Variants in STX1A observed in about 807,000 individuals in gnomAD.
The protein encoded by STX1A is syntaxin 1A.
In STX1A, 4 loss-of-function variants were observed where a neutral mutation model predicts 37.8. The ratio of observed to expected loss-of-function variants is 0.11; its 90% confidence interval spans 0.05 to 0.24. The LOEUF (loss-of-function observed/expected upper bound fraction) is 0.24, where lower values mean the gene tolerates loss of function less well. STX1A is among the 10% of genes least tolerant of loss of function. STX1A has a pLI of 1.00. For synonymous variants in STX1A, 135 were observed against 147.4 expected, an observed-to-expected ratio of 0.92 and a Z score of 0.61; for missense variants, 251 against 399.9, an observed-to-expected ratio of 0.63 and a Z score of 3.18.
Position 73,705,311 on chromosome 7 carries a change from T to C in STX1A, c.209-87A>G. On this transcript the variant is annotated intron_variant, in intron 3 of 9. Transcript: ENST00000222812. This position sits in a 1 kb window ranked among gnomAD's most constrained non-coding sequence, Gnocchi z 5.2. The stretch of plus-strand genomic sequence containing the variant: ...TCAGCCTCCAGCCCAGGGGGCCCAG[T>C]GGGAGGCTCTGGGAAGATCCCTGTT... The C allele has an allele frequency of 9.4e-7, 1 of 1,060,882 alleles. No homozygotes were observed. The highest frequency in any genetic ancestry group is 1.7e-5 in the Admixed American group (1 of 58,132). The allele number at this position is 1,060,882 out of a possible 1,614,324, so 65.7% of individuals were successfully genotyped here.
intron 8 of STX1A, chr7:73,701,233 C>G (rs1212850411): frequency 4.3e-6 from 2 of 461,194 alleles, no homozygotes; most frequent in African/African-American, 1.9e-5. Flanking sequence ...TGAGCCTGCC[C>G]ACACCCCCAT....
rs1479542769 is a variant in STX1A, at chr7:73,702,035, A to G, written c.678+810T>C. On this transcript the variant is annotated intron_variant, in intron 8 of 9. Transcript: ENST00000222812. This position sits in a 1 kb window ranked among gnomAD's most constrained non-coding sequence, Gnocchi z 4.7. ...TCCACCTCGTCTCCAGCTTCATCTC[A>G]GCTCCGACCACTCCTTGTGCCCCAG... Among the ~76,000 whole-genome samples the G allele has an allele frequency of 7.2e-5, 11 of 152,082 alleles. No individual in the cohort carries two copies. The highest frequency in any genetic ancestry group is 7.2e-4 in the Admixed American group (11 of 15,272).
rs1371556187 is a variant in STX1A, at chr7:73,717,599, C to T, written c.30+2003G>A. ...GGTGGGCTCCTGCCTGCCAGCCGTC[C>T]ACCTGTCTGCTAGAAAGCCCTCCCT... On this transcript the variant is annotated intron_variant, in intron 1 of 9. Transcript: ENST00000222812. This position sits in a 1 kb window ranked among gnomAD's most constrained non-coding sequence, Gnocchi z 4.1. Among the ~76,000 whole-genome samples, 1 of 152,092 alleles carries T rather than the reference C, an allele frequency of 6.6e-6. No individual in the cohort carries two copies. The highest frequency in any genetic ancestry group is 6.5e-5 in the Admixed American group (1 of 15,274).
intron 7 of STX1A, chr7:73,703,352 T>C (rs1266564574): frequency 1.8e-6 from 1 of 565,490 alleles, no homozygotes; most frequent in African/African-American, 1.9e-5. Context: ...ATGTGACTGC[T>C]CCTCCCCTCT....
chr7:73,713,336 C>T (rs1318521171), intron 1 of STX1A, among the ~76,000 whole-genome samples: 2 of 152,174 alleles, frequency 1.3e-5, no homozygotes, highest in African/African-American at 4.8e-5. Context: ...TCCTCTGTTT[C>T]CCAGCCCAGA....
Position 73,706,270 on chromosome 7 carries a change from C to T in STX1A, c.209-1046G>A, listed in dbSNP as rs962005631. On this transcript the variant is annotated intron_variant, in intron 3 of 9. Coordinates refer to ENST00000222812, the MANE Select transcript of STX1A (RefSeq NM_004603.4). The surrounding 1 kb of genome is among the most constrained non-coding windows in gnomAD (Gnocchi z 4.6). ...AGGTGGAGCGGGGAAGGGGGGGTTC[C>T]GAGGCGCGGAGGAGGGCGCCTCATC... is the stretch of plus-strand genomic sequence containing the variant. 1.1e-4 allele frequency among the ~76,000 whole-genome samples: 16 copies of T among 152,178 alleles called. No homozygotes were observed. The highest frequency in any genetic ancestry group is 2.2e-4 in the African/African-American group (9 of 41,514).
chr7:73,708,249 C>T, intron 3 of STX1A, among the ~76,000 whole-genome samples: 1 of 113,686 alleles, frequency 8.8e-6, no homozygotes, highest in African/African-American at 3.5e-5. Flanking sequence ...GGCGACAGAG[C>T]AAGACTCCAT....
chr7:73,704,547 G>T, intron 4 of STX1A, 124 bp from the exon 5 acceptor site: 1 of 1,247,570 alleles, frequency 8.0e-7, no homozygotes, highest in Non-Finnish European at 1.1e-6. Flanking sequence ...GTGGCTGGTG[G>T]GATCAGTGCC....
At chr7:73,703,344 G>A in intron 7 of STX1A, 1 of 564,116 alleles carries the variant, frequency 1.8e-6, no homozygotes, top group Middle Eastern at 4.4e-4. Context: ...CACATTGAAT[G>A]TGACTGCTCC....
intron 1 of STX1A, among the ~76,000 whole-genome samples, chr7:73,710,630 G>A (rs1799065936): frequency 6.6e-6 from 1 of 152,080 alleles, no homozygotes; most frequent in Non-Finnish European, 1.5e-5. Flanking sequence ...TCACTATGTT[G>A]GCCAGGCCGG....
rs1554617455 is a variant in STX1A at position 73,708,672 on chromosome 7, C to G, written c.125G>C (p.Gly42Ala). The change falls in exon 3 of 10, where the codon GGC becomes GCC. Residue 42 changes from glycine to alanine, a missense_variant. Gly to Ala is a moderately conservative substitution (Grantham distance 60). Coordinates refer to ENST00000222812, the MANE Select transcript of STX1A (RefSeq NM_004603.4). ...GTTCTCTGCGATCTTGTCAATGAAG[C>G]CTCGAATCTCCTCCACCTGCGGACC... Reference protein sequence around the residue: ...EFFEQVEEIRGFIDKIAENVE... With the variant: ...EFFEQVEEIRAFIDKIAENVE... 1.9e-6 allele frequency: 3 copies of G among 1,614,050 alleles called. No individual in the cohort carries two copies. The highest frequency in any genetic ancestry group is 2.5e-6 in the Non-Finnish European group (3 of 1,179,992).
chr7:73,703,865 T>G (rs781784077), intron 6 of STX1A, 37 bp from the exon 7 acceptor site: 3 of 1,601,692 alleles, frequency 1.9e-6, no homozygotes, highest in Non-Finnish European at 2.6e-6. Context: ...CCCAGCCCTC[T>G]TCGGGGAGTT....
Position 73,704,276 on chromosome 7 carries a change from G to A in STX1A, c.358-20C>T, listed in dbSNP as rs1433655756. 1.9e-6 allele frequency: 3 copies of A among 1,613,994 alleles called. No individual in the cohort carries two copies. The African/African-American group carries it at 4.0e-5, about 22-fold the overall frequency. ...GGAGTGCTGGGGGCCCGAGATGGAG[G>A]TGCAGGGGTCAGGCCCTGCGGGGAC... On this transcript the variant is annotated intron_variant, in intron 5 of 9. Coordinates refer to ENST00000222812, the MANE Select transcript of STX1A (RefSeq NM_004603.4).
At chr7:73,714,300 G>T (rs1799207685) in intron 1 of STX1A, among the ~76,000 whole-genome samples, 1 of 151,984 alleles carries the variant, frequency 6.6e-6, no homozygotes, top group Admixed American at 6.6e-5. Context: ...TAGAGACGGG[G>T]TTTCACCATG....
chr7:73,702,310 G>C lies in STX1A; in HGVS notation c.678+535C>G, dbSNP rs1554616012. ...GTGTAACTTTGGAACCATAGTGGTG[G>C]TGGCACCACCTTTGAGCTTGTCAGA... On this transcript the variant is annotated intron_variant, in intron 8 of 9. Transcript: ENST00000222812. The surrounding 1 kb of genome is among the most constrained non-coding windows in gnomAD (Gnocchi z 4.7). 6.6e-6 allele frequency among the ~76,000 whole-genome samples: 1 copy of C among 152,156 alleles called. No individual in the cohort carries two copies. Among genetic ancestry groups the C allele is most frequent in the Non-Finnish European group, 1.5e-5 (1 of 68,032 alleles).
intron 1 of STX1A, among the ~76,000 whole-genome samples, chr7:73,716,974 C>T (rs1048841482): frequency 1.1e-4 from 17 of 152,228 alleles, no homozygotes; most frequent in South Asian, 2.1e-4. Context: ...TGAGGGACTG[C>T]GACAGCATTG....
rs2116756486 is a variant in STX1A at position 73,709,597 on chromosome 7, G to A, written c.31-475C>T. Reference sequence around the variant, plus strand: ...GAGGTCTTGCTGTGTCACCCAGGCTGGAGTGCAGGGGTGCAATCACAGCTC... The same window carrying A: ...GAGGTCTTGCTGTGTCACCCAGGCTAGAGTGCAGGGGTGCAATCACAGCTC... On this transcript the variant is annotated intron_variant, in intron 1 of 9. Coordinates refer to ENST00000222812, the MANE Select transcript of STX1A (RefSeq NM_004603.4). The surrounding 1 kb of genome is among the most constrained non-coding windows in gnomAD (Gnocchi z 4.2). Among the ~76,000 whole-genome samples, 1 of 152,294 alleles carries A rather than the reference G, an allele frequency of 6.6e-6. No individual in the cohort carries two copies. The highest frequency in any genetic ancestry group is 1.9e-4 in the East Asian group (1 of 5,182).
In STX1A at chr7:73,705,820, C is replaced by T. The variant is rs1258199455; in HGVS notation, c.209-596G>A. 1 of 154,418 alleles carries T rather than the reference C, an allele frequency of 6.5e-6. No individual in the cohort carries two copies. The highest frequency in any genetic ancestry group is 1.4e-5 in the Non-Finnish European group (1 of 69,634). The allele number at this position is 154,418 out of a possible 1,614,324, so 9.6% of individuals were successfully genotyped here. A position where few individuals can be genotyped will look rare whatever the true frequency, so the allele number is the denominator to read the frequency against. ...GCCTGGGTGGGCGCTGATGTGGGCCCTCAGGTCCAAAGAGGTGGGCACAGT... is the reference window on the plus strand; with the variant it reads ...GCCTGGGTGGGCGCTGATGTGGGCCTTCAGGTCCAAAGAGGTGGGCACAGT... On this transcript the variant is annotated intron_variant, in intron 3 of 9. Coordinates refer to ENST00000222812, the MANE Select transcript of STX1A (RefSeq NM_004603.4). This position sits in a 1 kb window ranked among gnomAD's most constrained non-coding sequence, Gnocchi z 5.2.
Position 73,700,524 on chromosome 7 carries a change from G to T in STX1A, c.790-40C>A. On this transcript the variant is annotated intron_variant, in intron 9 of 9. Transcript: ENST00000222812. This position sits in a 1 kb window ranked among gnomAD's most constrained non-coding sequence, Gnocchi z 4.4. ...GGCAGGAGAGGCCTCAGACAGTGTT[G>T]GCGGCAGGTGGGGTGGGACTATGGC... 2 of 1,607,790 alleles carry T rather than the reference G, an allele frequency of 1.2e-6. No individual in the cohort carries two copies. The highest frequency in any genetic ancestry group is 1.7e-6 in the Non-Finnish European group (2 of 1,176,488).
Sources: gnomAD v4.1 joint callset for allele counts (sites outside exome capture counted in the v4.1 genomes callset) on GRCh38, gnomAD v4.1.1 for gene constraint, Gnocchi (gnomAD v3.1) non-coding constraint, MANE v1.5 for transcripts, NCBI Gene and HGNC (gene_info 2026-07-23, HGNC 2026-07-21) for gene names.